Variants in IRAK4 observed in about 807,000 individuals in gnomAD.
The protein encoded by IRAK4 is interleukin-1 receptor-associated kinase 4.
IRAK4 carries 44 observed loss-of-function variants against 51.8 expected under a neutral mutation model. That is an observed-to-expected ratio of 0.85 (90% CI 0.67 to 1.09). IRAK4 has a LOEUF of 1.09. Ranked by LOEUF, IRAK4 falls within the 50% of genes least tolerant of loss-of-function variation. The probability of loss-of-function intolerance (pLI) is 0.00; values close to 1 mark genes in which losing one functional copy is unlikely to be tolerated. For synonymous variants in IRAK4, 149 were observed against 174.1 expected (o/e 0.86, Z 1.13); for missense variants, 487 against 538.0 (o/e 0.91, Z 0.94).
chr12:43,766,301 C>G (rs902384536), intron 1 of IRAK4, among the ~76,000 whole-genome samples: 1 of 152,134 alleles, frequency 6.6e-6, no homozygotes, highest in African/African-American at 2.4e-5. Context: ...CCATGCTATT[C>G]CCTCTGCCTG....
At chr12:43,780,863 C>T (rs571301010) in intron 8 of IRAK4, among the ~76,000 whole-genome samples, 54 of 152,260 alleles carry the variant, frequency 3.5e-4, no homozygotes, top group African/African-American at 1.3e-3. Flanking sequence ...TAGCCACCCG[C>T]CTGGCCTCTC....
chr12:43,780,633 G>A lies in IRAK4; in HGVS notation c.942-1674G>A, dbSNP rs149817399. 1.9e-4 allele frequency among the ~76,000 whole-genome samples: 29 copies of A among 150,276 alleles called. No homozygotes were observed. In the East Asian group the frequency reaches 2.2e-3, roughly 11 times the overall value. ...GTTGCCCAGGCTGGAGTGCGATGGC[G>A]CGGTCTTGGCTCACTGCAACCGTCG... On this transcript the variant is annotated intron_variant, in intron 8 of 11. Transcript: ENST00000613694.
chr12:43,760,628 C>T (rs186515443), intron 1 of IRAK4, among the ~76,000 whole-genome samples: 26 of 152,320 alleles, frequency 1.7e-4, no homozygotes, highest in Admixed American at 1.5e-3. Flanking sequence ...ATTTACATTT[C>T]GTTTTGTCCA....
chr12:43,767,076 T>A (rs1367609169), intron 1 of IRAK4, among the ~76,000 whole-genome samples: 3 of 152,236 alleles, frequency 2.0e-5, no homozygotes, highest in African/African-American at 7.2e-5. Flanking sequence ...TTTAGAATGT[T>A]GTTCCATATG....
Position 43,766,185 on chromosome 12 carries a change from G to A in IRAK4, c.-9-1918G>A, listed in dbSNP as rs111621987. On this transcript the variant is annotated intron_variant, in intron 1 of 11. Coordinates refer to ENST00000613694, the MANE Select transcript of IRAK4 (RefSeq NM_016123.4). ...TAGCACATGAGGTACATGATGATCT[G>A]GCCCTGCTACCTTTCCACCCTCATC... Among the ~76,000 whole-genome samples, 757 of 152,242 alleles carry A rather than the reference G, an allele frequency of 5.0e-3. 9 individuals are homozygous for A. The highest frequency in any genetic ancestry group is 0.017 in the African/African-American group (705 of 41,534).
At position 43,772,356 on chromosome 12, in the gene IRAK4, G is replaced by A. The variant is rs779528103; in HGVS notation, c.484G>A (p.Asp162Asn). ...AGAAAATAAAAGTTTAGAAGTTAGT[G>A]ATACACGTAAGTAACATTTTCAGTG... ...SPENKSLEVSDTRFHSFSFYE... is the reference protein window; with the variant it reads ...SPENKSLEVSNTRFHSFSFYE... The change falls in exon 4 of 12, where the codon GAT becomes AAT. Residue 162 changes from aspartate to asparagine, a missense_variant. Transcript: ENST00000613694. The A allele has an allele frequency of 6.2e-7, 1 of 1,611,518 alleles. No homozygotes were observed. Among genetic ancestry groups the A allele is most frequent in the South Asian group, 1.1e-5 (1 of 91,068 alleles).
intron 1 of IRAK4, chr12:43,759,352 T>C (rs1939169246): frequency 6.6e-6 from 1 of 152,166 alleles, no homozygotes; most frequent in Admixed American, 6.5e-5. Context: ...AAATGAAGTC[T>C]CTTTTCCCCA....
chr12:43,768,735 T>TCC (rs1196634948), intron 2 of IRAK4: 1 of 153,900 alleles, frequency 6.5e-6, no homozygotes, highest in African/African-American at 2.4e-5. Context: ...AGTGTACACT[T>TCC]CTGTGCACAG....
rs1942420394 is a variant in IRAK4 at position 43,789,464 on chromosome 12, T to C, written c.*2749T>C. 6.6e-6 allele frequency: 1 copy of C among 152,236 alleles called. No homozygotes were observed. The highest frequency in any genetic ancestry group is 6.5e-5 in the Admixed American group (1 of 15,286). The allele number at this position is 152,236 out of a possible 1,614,324, so 9.4% of individuals were successfully genotyped here. ...CCCAGCCTCAGTTATTCCTTTATAG[T>C]GATGCAAAACGGGCTAACTATATAA... On this transcript the variant is annotated 3_prime_UTR_variant, in exon 12 of 12. Transcript: ENST00000613694.
In IRAK4 at chr12:43,787,057, T is replaced by G. The variant is rs147004395; in HGVS notation, c.*342T>G. 3.7e-6 allele frequency: 1 copy of G among 271,766 alleles called. No homozygotes were observed. The highest frequency in any genetic ancestry group is 7.0e-6 in the Non-Finnish European group (1 of 143,734). The allele number at this position is 271,766 out of a possible 1,614,324, so 16.8% of individuals were successfully genotyped here. ...TGATCTGAAGCCCAGCTGACTCCAC[T>G]ACTAATTTGCTGTAAAGCTTTGGAC... On this transcript the variant is annotated 3_prime_UTR_variant, in exon 12 of 12. Transcript: ENST00000613694.
rs1416680234 is a variant in IRAK4 at position 43,774,036 on chromosome 12, CTT to C, written c.716+8_716+9del. 4 of 1,602,258 alleles carry C rather than the reference CTT, an allele frequency of 2.5e-6. No individual in the cohort carries two copies. The highest frequency in any genetic ancestry group is 2.7e-5 in the African/African-American group (2 of 74,708). Reference sequence around the variant, plus strand: ...AAATAAAAGTAATGGCAAAGTAAGTCTTAATCTGGCAGTGCGGTGTAGTGGAA... The same window carrying C: ...AAATAAAAGTAATGGCAAAGTAAGTCAATCTGGCAGTGCGGTGTAGTGGAA... On this transcript the variant is annotated splice_region_variant and intron_variant, in intron 6 of 11. Transcript: ENST00000613694.
chr12:43,782,562 T>G, intron 9 of IRAK4, 72 bp downstream of exon 9: 1 of 1,203,190 alleles, frequency 8.3e-7, no homozygotes, highest in Non-Finnish European at 1.2e-6. Flanking sequence ...GAATATTATT[T>G]AATACACCCA....
At chr12:43,765,888 C>T (rs143265585) in intron 1 of IRAK4, among the ~76,000 whole-genome samples, 12 of 151,270 alleles carry the variant, frequency 7.9e-5, no homozygotes, top group African/African-American at 2.9e-4. Flanking sequence ...TCTAATCGCT[C>T]ATCTCTAGTG....
intron 9 of IRAK4, 78 bp downstream of exon 9, chr12:43,782,568 ACC>A: frequency 1.7e-6 from 2 of 1,167,020 alleles, no homozygotes; most frequent in Non-Finnish European, 2.5e-6. Context: ...TATTTAATAC[ACC>A]CATCTTGTTT....
chr12:43,779,755 A>T (rs1176484371), intron 8 of IRAK4, among the ~76,000 whole-genome samples: 1 of 152,156 alleles, frequency 6.6e-6, no homozygotes, highest in Admixed American at 6.5e-5. Flanking sequence ...ATGGTTAGAA[A>T]ATGTGAATTC....
In IRAK4 at chr12:43,771,215, T is replaced by C. The variant is rs377673749; in HGVS notation, c.162-5T>C. The C allele has an allele frequency of 3.7e-6, 6 of 1,612,966 alleles. No individual in the cohort carries two copies. Among genetic ancestry groups the C allele is most frequent in the Non-Finnish European group, 5.1e-6 (6 of 1,179,202 alleles). On this transcript the variant is annotated splice_region_variant and splice_polypyrimidine_tract_variant and intron_variant, in intron 2 of 11. Transcript: ENST00000613694. ...AATTTTGTTTCTTTGTTACTTACTT[T>C]TAAGGAGATTTGAAGCATTACTTCA...
chr12:43,767,841 A>G (rs1319563072), intron 1 of IRAK4, among the ~76,000 whole-genome samples: 4 of 152,226 alleles, frequency 2.6e-5, no homozygotes, highest in African/African-American at 9.6e-5. Context: ...CTAGGAAAAT[A>G]TCAGTGTCAG....
chr12:43,767,927 A>C (rs1209640221), intron 1 of IRAK4, among the ~76,000 whole-genome samples, 176 bp from the exon 2 acceptor site: 2 of 152,202 alleles, frequency 1.3e-5, no homozygotes, highest in Non-Finnish European at 2.9e-5. Context: ...TGGACAAATG[A>C]ATTACAATTT....
chr12:43,773,162 A>C, intron 5 of IRAK4, 90 bp downstream of exon 5: 1 of 1,145,242 alleles, frequency 8.7e-7, no homozygotes. Flanking sequence ...GAAATACATT[A>C]TTTCAGTATG....
Sources: allele counts gnomAD v4.1 joint callset (sites outside exome capture counted in the v4.1 genomes callset), GRCh38; gene constraint gnomAD v4.1.1; transcripts MANE v1.5; gene names NCBI Gene and HGNC (gene_info 2026-07-23, HGNC 2026-07-21).